The following WDTC1 variants were observed in gnomAD, a reference collection of about 807,000 sequenced individuals.
WDTC1 encodes the protein WD and tetratricopeptide repeats 1, also known as WD and tetratricopeptide repeats protein 1.
A neutral mutation model predicts 76.0 loss-of-function variants in WDTC1; 12 were observed. The observed-to-expected ratio is 0.16, with a 90% CI of 0.10 to 0.26. The LOEUF is 0.26. Ranked by LOEUF, WDTC1 falls within the 10% of genes least tolerant of loss-of-function variation. The pLI is 1.00. For synonymous variants in WDTC1, 326 were observed against 350.8 expected, an observed-to-expected ratio of 0.93 and a Z score of 0.79; for missense variants, 511 against 908.8, an observed-to-expected ratio of 0.56 and a Z score of 5.63.
rs776854020 is a variant in WDTC1 at position 27,306,431 on chromosome 1, C to T, written c.*48C>T. On this transcript the variant is annotated 3_prime_UTR_variant, in exon 16 of 16. Transcript: ENST00000319394. This position sits in a 1 kb window ranked among gnomAD's most constrained non-coding sequence, Gnocchi z 5.0. ...CCCCTGCTACTGGCTGGACCCTCTG[C>T]CCTGGGCAGGAGGTCAGGGGATTCT... The T allele has an allele frequency of 4.4e-6, 7 of 1,583,676 alleles. No individual in the cohort carries two copies. The highest frequency in any genetic ancestry group is 6.0e-6 in the Non-Finnish European group (7 of 1,167,156).
chr1:27,282,055 A>G (rs903520959), intron 3 of WDTC1, among the ~76,000 whole-genome samples, 184 bp from the exon 4 acceptor site: 8 of 152,220 alleles, frequency 5.3e-5, no homozygotes, highest in Admixed American at 2.6e-4. Flanking sequence ...GATCATGAAT[A>G]TGAAAGTACT....
At chr1:27,246,624 C>G (rs1396863977) in intron 1 of WDTC1, among the ~76,000 whole-genome samples, 2 of 151,632 alleles carry the variant, frequency 1.3e-5, no homozygotes, top group Non-Finnish European at 2.9e-5. Context: ...TGCAATGGCA[C>G]GATCTGGGCT....
At chr1:27,240,043 C>T (rs2011584323) in intron 1 of WDTC1, among the ~76,000 whole-genome samples, 1 of 151,848 alleles carries the variant, frequency 6.6e-6, no homozygotes, top group African/African-American at 2.4e-5. Flanking sequence ...TGCGCGCCAC[C>T]ATGCCTGGAT....
chr1:27,251,033 A>ATTT (rs71584875), intron 1 of WDTC1, among the ~76,000 whole-genome samples: 463 of 28,682 alleles, frequency 0.016, 171 homozygotes, highest in Non-Finnish European at 0.02. Context: ...CTCCTGGCTA[A>ATTT]TTTTTTTTTT....
At chr1:27,245,119 C>G (rs758570426) in intron 1 of WDTC1, among the ~76,000 whole-genome samples, 1 of 151,650 alleles carries the variant, frequency 6.6e-6, no homozygotes, top group Non-Finnish European at 1.5e-5. Context: ...TCCTCAGTAC[C>G]ATGTAGTATT....
At chr1:27,250,689 A>C (rs1018675900) in intron 1 of WDTC1, among the ~76,000 whole-genome samples, 1 of 152,100 alleles carries the variant, frequency 6.6e-6, no homozygotes, top group Non-Finnish European at 1.5e-5. Context: ...TATAGCACAC[A>C]TGAAAGGAGT....
chr1:27,260,715 G>A lies in WDTC1; in HGVS notation c.-99-241G>A, dbSNP rs566706704. 4.6e-5 allele frequency among the ~76,000 whole-genome samples: 7 copies of A among 152,252 alleles called. No homozygotes were observed. In the South Asian group the frequency reaches 8.3e-4, roughly 18 times the overall value. On this transcript the variant is annotated intron_variant, in intron 1 of 15. Transcript: ENST00000319394. ...ACTTATACACAACCTGCCATTTTCCGATGAAGCATAACATATTTCTTCCGT... is the reference window on the plus strand; with the variant it reads ...ACTTATACACAACCTGCCATTTTCCAATGAAGCATAACATATTTCTTCCGT...
chr1:27,282,377 G>T, intron 4 of WDTC1, 92 bp downstream of exon 4: 1 of 1,301,696 alleles, frequency 7.7e-7, no homozygotes, highest in Non-Finnish European at 1.1e-6. Context: ...CCAAGGAAAA[G>T]ATTGGACCCA....
rs1212608194 is a variant in WDTC1 at position 27,261,202 on chromosome 1, CTA to C, written c.48+101_48+102del. ...CTGAAATCTATAGTCTGTGACTTGC[CTA>C]AAGTCACGTAGCTAGTTAGTGGCAG... is the stretch of plus-strand genomic sequence containing the variant. On this transcript the variant is annotated intron_variant, in intron 2 of 15. Transcript: ENST00000319394. The C allele has an allele frequency of 3.5e-6, 5 of 1,419,920 alleles. No homozygotes were observed. In the African/African-American group the frequency reaches 7.2e-5, roughly 20 times the overall value. 88.0% of individuals were successfully genotyped at this position (1,419,920 alleles called of 1,614,324 possible). A position where few individuals can be genotyped will look rare whatever the true frequency, so the allele number is the denominator to read the frequency against.
At chr1:27,257,338 C>T (rs1243808099) in intron 1 of WDTC1, among the ~76,000 whole-genome samples, 2 of 152,120 alleles carry the variant, frequency 1.3e-5, no homozygotes, top group African/African-American at 2.4e-5. Flanking sequence ...CCAATGCGTC[C>T]TATGCCTGTG....
At chr1:27,302,612 A>G (rs1368208532) in intron 13 of WDTC1, among the ~76,000 whole-genome samples, 2 of 152,058 alleles carry the variant, frequency 1.3e-5, no homozygotes, top group African/African-American at 2.4e-5. Flanking sequence ...GTGGTGGCAC[A>G]CACCTGTAGT....
At chr1:27,288,782 C>A (rs1412151758) in intron 6 of WDTC1, among the ~76,000 whole-genome samples, 2 of 151,932 alleles carry the variant, frequency 1.3e-5, no homozygotes, top group African/African-American at 4.8e-5. Flanking sequence ...CATCCGATTT[C>A]TCAATCTTTT....
At chr1:27,291,770 A>T (rs1447469063) in intron 6 of WDTC1, among the ~76,000 whole-genome samples, 1 of 152,196 alleles carries the variant, frequency 6.6e-6, no homozygotes, top group African/African-American at 2.4e-5. Flanking sequence ...TTTAAGATGC[A>T]GTCTCAGAAA....
At chr1:27,253,391 C>CTT in intron 1 of WDTC1, among the ~76,000 whole-genome samples, 1 of 77,486 alleles carries the variant, frequency 1.3e-5, no homozygotes, top group African/African-American at 6.6e-5. Context: ...TTTCTTCTTC[C>CTT]CCTCCCCCTC....
intron 3 of WDTC1, among the ~76,000 whole-genome samples, chr1:27,263,749 T>C (rs916017650): frequency 2.6e-5 from 4 of 152,160 alleles, no homozygotes; most frequent in Non-Finnish European, 5.9e-5. Context: ...TTTTTGGACA[T>C]ATTATTTGCT....
intron 1 of WDTC1, among the ~76,000 whole-genome samples, chr1:27,260,701 A>G (rs1019950633): frequency 1.3e-5 from 2 of 152,034 alleles, no homozygotes; most frequent in Non-Finnish European, 2.9e-5. Context: ...CTTATACACA[A>G]CCTGCCATTT....
At chr1:27,292,419 G>A in intron 7 of WDTC1, 22 bp downstream of exon 7, 3 of 1,515,976 alleles carry the variant, frequency 2.0e-6, no homozygotes, top group African/African-American at 1.4e-5. Context: ...TCAGCCTCCT[G>A]TCTCCTGTGA....
chr1:27,250,274 C>T (rs1157817513), intron 1 of WDTC1, among the ~76,000 whole-genome samples: 1 of 151,916 alleles, frequency 6.6e-6, no homozygotes, highest in Non-Finnish European at 1.5e-5. Context: ...GCAACCTCCG[C>T]CTCCCAGGTT....
chr1:27,306,159 C>G lies in WDTC1; in HGVS notation c.1837-27C>G. On this transcript the variant is annotated intron_variant, in intron 15 of 15. Coordinates refer to ENST00000319394, the MANE Select transcript of WDTC1 (RefSeq NM_001276252.2). The surrounding 1 kb of genome is among the most constrained non-coding windows in gnomAD (Gnocchi z 5.0). ...GGTGCCTCTCCCTCCCTGAGCCCCACGTGTGTCACCCCTTTCTCCACCACA... is the reference window on the plus strand; with the variant it reads ...GGTGCCTCTCCCTCCCTGAGCCCCAGGTGTGTCACCCCTTTCTCCACCACA... 1 of 1,613,646 alleles carries G rather than the reference C, an allele frequency of 6.2e-7. No individual in the cohort carries two copies. The highest frequency in any genetic ancestry group is 1.1e-5 in the South Asian group (1 of 91,060).
Sources: allele counts gnomAD v4.1 joint callset (sites outside exome capture counted in the v4.1 genomes callset), GRCh38; gene constraint gnomAD v4.1.1; non-coding constraint Gnocchi (gnomAD v3.1); transcripts MANE v1.5; gene names NCBI Gene and HGNC (gene_info 2026-07-23, HGNC 2026-07-21).